ZNF469: variants seen among roughly 807,000 people sequenced by gnomAD.
The protein encoded by ZNF469 is zinc finger protein 469.
ZNF469 carries 1 observed loss-of-function variant against 1.0 expected under a neutral mutation model. The ratio of observed to expected loss-of-function variants is 1.00; its 90% CI spans 0.35 to 4.73. The LOEUF is 4.73. Ranked by LOEUF, ZNF469 falls within the 30% of genes most tolerant of loss-of-function variation. The pLI is 0.16. For synonymous variants in ZNF469, 2,703 were observed against 2,363.4 expected (o/e 1.14, Z -4.17); for missense variants, 6,100 against 5,356.3 (o/e 1.14, Z -4.33).
the ZNF469 span, among the ~76,000 whole-genome samples, chr16:88,151,292 CCGTGGTCAGCCAGGAGCGTCCA>C: frequency 5.3e-5 from 8 of 152,366 alleles, no homozygotes; most frequent in Admixed American, 3.3e-4. This position sits in a 1 kb window ranked among gnomAD's most constrained non-coding sequence, Gnocchi z 5.4. Flanking sequence ...CGGGCGCGGG[CCGTGGTCAGCCAGGAGCGTCCA>C]CGTGGTCAGC....
At chr16:88,149,756 C>A in the ZNF469 span, among the ~76,000 whole-genome samples, 1 of 152,264 alleles carries the variant, frequency 6.6e-6, no homozygotes, top group East Asian at 1.9e-4. Context: ...TTACCCCTGA[C>A]ACGTGCTGGG....
chr16:88,417,412 C>T (rs1905331842), intron 1 of ZNF469, among the ~76,000 whole-genome samples: 1 of 152,192 alleles, frequency 6.6e-6, no homozygotes, highest in Non-Finnish European at 1.5e-5. Context: ...GCTGTGGGCA[C>T]CGTTGCCCAT....
the ZNF469 span, among the ~76,000 whole-genome samples, chr16:88,120,795 GTATGAATCCCGGA>G: frequency 6.6e-6 from 1 of 152,176 alleles, no homozygotes; most frequent in African/African-American, 2.4e-5. Context: ...ACGGCGTCTC[GTATGAATCCCGGA>G]GGAGACGCCC....
chr16:88,194,088 C>T, the ZNF469 span, among the ~76,000 whole-genome samples: 1 of 152,182 alleles, frequency 6.6e-6, no homozygotes, highest in South Asian at 2.1e-4. Flanking sequence ...TCTTTAAGCT[C>T]CCGCCCCTGG....
At chr16:88,109,751 G>A in the ZNF469 span, among the ~76,000 whole-genome samples, 48 of 150,424 alleles carry the variant, frequency 3.2e-4, no homozygotes, top group Admixed American at 5.3e-4. Flanking sequence ...CTGTGTCCAC[G>A]CTGTCTCCTC....
the ZNF469 span, among the ~76,000 whole-genome samples, chr16:88,158,350 C>G: frequency 1.3e-5 from 2 of 151,884 alleles, no homozygotes; most frequent in Admixed American, 1.3e-4. Flanking sequence ...GGGAAGCCCC[C>G]GGGGCAGGCA....
chr16:88,126,145 C>T, the ZNF469 span, among the ~76,000 whole-genome samples: 3 of 143,666 alleles, frequency 2.1e-5, no homozygotes, highest in Admixed American at 1.4e-4. Flanking sequence ...GCCGAGATTG[C>T]ACCGTTGCAC....
chr16:88,175,479 T>G, the ZNF469 span, among the ~76,000 whole-genome samples: 1 of 152,232 alleles, frequency 6.6e-6, no homozygotes, highest in Admixed American at 6.5e-5. Context: ...ATTAAAATCA[T>G]ACAATATATG....
chr16:88,378,491 C>T (rs1051503928), upstream of ZNF469, among the ~76,000 whole-genome samples: 9 of 152,338 alleles, frequency 5.9e-5, no homozygotes, highest in Admixed American at 4.6e-4. Flanking sequence ...CCTCCTGCTG[C>T]ACCCAGGAGC....
At chr16:88,200,457 G>T in the ZNF469 span, among the ~76,000 whole-genome samples, 1 of 152,248 alleles carries the variant, frequency 6.6e-6, no homozygotes, top group Non-Finnish European at 1.5e-5. Flanking sequence ...GCCAGCAACA[G>T]AAGGCCGGCA....
chr16:88,315,414 C>T, the ZNF469 span, among the ~76,000 whole-genome samples: 3 of 152,242 alleles, frequency 2.0e-5, no homozygotes, highest in Non-Finnish European at 2.9e-5. Flanking sequence ...TGCCAGGCCA[C>T]GCACGCACAC....
chr16:88,380,884 CCA>C (rs2092521020), upstream of ZNF469, among the ~76,000 whole-genome samples: 1 of 116,154 alleles, frequency 8.6e-6, no homozygotes, highest in South Asian at 3.2e-4. Flanking sequence ...ATGCCCTCAC[CCA>C]GACATGCACT....
the ZNF469 span, among the ~76,000 whole-genome samples, chr16:88,346,981 G>C: frequency 6.6e-6 from 1 of 152,216 alleles, no homozygotes. Context: ...GGCACACTGA[G>C]GTATTTAGCA....
In ZNF469 at chr16:88,419,920, G is replaced by A. The variant is rs564961391; in HGVS notation, c.-191-4887G>A. Among the ~76,000 whole-genome samples, 4 of 152,368 alleles carry A rather than the reference G, an allele frequency of 2.6e-5. No individual in the cohort carries two copies. The South Asian group carries it at 6.2e-4, about 24-fold the overall frequency. ...CAATGCCCTCCTCTGCCAAAGGGAG[G>A]AAGGCACAGAGAGGGGTGGAGGCCG... On this transcript the variant is annotated intron_variant, in intron 1 of 2. Coordinates refer to ENST00000565624, the MANE Select transcript of ZNF469 (RefSeq NM_001367624.2).
intron 1 of ZNF469, among the ~76,000 whole-genome samples, chr16:88,389,156 A>C (rs771223669): frequency 8.5e-5 from 13 of 152,302 alleles, no homozygotes; most frequent in South Asian, 6.2e-4. Context: ...CCCTGTGCCC[A>C]TGAAGAAGTC....
At chr16:88,105,023 C>T in the ZNF469 span, among the ~76,000 whole-genome samples, 4 of 152,274 alleles carry the variant, frequency 2.6e-5, no homozygotes, top group East Asian at 7.7e-4. Flanking sequence ...TGAGACCAGC[C>T]TGGGCAATAC....
At chr16:88,127,212 G>A in the ZNF469 span, among the ~76,000 whole-genome samples, 3 of 152,052 alleles carry the variant, frequency 2.0e-5, no homozygotes, top group Non-Finnish European at 2.9e-5. Context: ...TTGCCTGCAG[G>A]TTCTTTCCAG....
chr16:88,277,156 C>T, the ZNF469 span, among the ~76,000 whole-genome samples: 8 of 145,410 alleles, frequency 5.5e-5, no homozygotes, highest in South Asian at 4.5e-4. Context: ...TATCAGTGCA[C>T]GGTTAGTGCT....
the ZNF469 span, among the ~76,000 whole-genome samples, chr16:88,314,930 G>A: frequency 6.7e-6 from 1 of 149,424 alleles, no homozygotes; most frequent in Non-Finnish European, 1.5e-5. Context: ...TGATGCTGGT[G>A]TGGACTGTCA....
Sources: allele counts gnomAD v4.1 joint callset (sites outside exome capture counted in the v4.1 genomes callset), GRCh38; gene constraint gnomAD v4.1.1; non-coding constraint Gnocchi (gnomAD v3.1); transcripts MANE v1.5; gene names NCBI Gene and HGNC (gene_info 2026-07-23, HGNC 2026-07-21).